The following DUS4L variants were observed in gnomAD, a reference collection of about 807,000 sequenced individuals.
The protein encoded by DUS4L is dihydrouridine synthase 4 like.
In DUS4L, 31 loss-of-function variants were observed where a neutral mutation model predicts 33.8. That is an observed-to-expected ratio of 0.92 (90% CI 0.69 to 1.24). The LOEUF is 1.24. DUS4L is among the 50% of genes most tolerant of loss of function. The pLI is 0.00. For missense variants in DUS4L, 368 were observed against 388.6 expected, an observed-to-expected ratio of 0.95 and a Z score of 0.45; for synonymous variants, 103 against 120.3, an observed-to-expected ratio of 0.86 and a Z score of 0.94.
At chr7:107,575,920 T>C (rs1184743580) in intron 6 of DUS4L, among the ~76,000 whole-genome samples, 4 of 152,226 alleles carry the variant, frequency 2.6e-5, no homozygotes, top group African/African-American at 7.2e-5. Flanking sequence ...CCTGAGCTCC[T>C]GGCCTCAAGT....
rs1443454741 is a variant in DUS4L, at chr7:107,564,072, T to C, written c.-248T>C. 4.8e-6 allele frequency: 7 copies of C among 1,448,054 alleles called. No homozygotes were observed. The African/African-American group carries it at 8.5e-5, about 17-fold the overall frequency. The allele number at this position is 1,448,054 out of a possible 1,614,324, so 89.7% of individuals were successfully genotyped here. On this transcript the variant is annotated 5_prime_UTR_variant, in exon 1 of 8. Coordinates refer to ENST00000265720, the MANE Select transcript of DUS4L (RefSeq NM_181581.3). ...AGGAGCCGCGCAGGTACTCGAGCAG[T>C]GGGCGCCCAGGGTCCGAGTGCTCTG...
intron 4 of DUS4L, among the ~76,000 whole-genome samples, chr7:107,572,602 C>T (rs892593120): frequency 2.0e-5 from 3 of 152,092 alleles, no homozygotes; most frequent in East Asian, 1.9e-4. Flanking sequence ...GTAATCTTAG[C>T]GCTTTGGGAG....
intron 7 of DUS4L, chr7:107,576,815 C>G (rs1805798443): frequency 2.2e-6 from 1 of 459,046 alleles, no homozygotes; most frequent in African/African-American, 2.0e-5. Flanking sequence ...TTTCTGACAC[C>G]ATCATATCTA....
At chr7:107,565,954 T>G (rs1244626568) in intron 2 of DUS4L, among the ~76,000 whole-genome samples, 1 of 152,240 alleles carries the variant, frequency 6.6e-6, no homozygotes, top group African/African-American at 2.4e-5. Flanking sequence ...CATTGCGCTT[T>G]ATTTTTGCCT....
intron 5 of DUS4L, chr7:107,574,964 C>A: frequency 1.8e-6 from 1 of 556,166 alleles, no homozygotes; most frequent in South Asian, 2.0e-5. Context: ...AATATTCTCA[C>A]TTGCCAATGA....
chr7:107,577,395 CT>C lies in DUS4L; in HGVS notation c.790del (p.Trp264GlyfsTer19). The C allele has an allele frequency of 6.2e-7, 1 of 1,614,092 alleles. No individual in the cohort carries two copies. The highest frequency in any genetic ancestry group is 8.5e-7 in the Non-Finnish European group (1 of 1,180,018). On this transcript the variant is annotated frameshift_variant, in exon 8 of 8. Coordinates refer to ENST00000265720, the MANE Select transcript of DUS4L (RefSeq NM_181581.3). LOFTEE classifies it high-confidence loss of function. ...EETPLKCIWD[W>X]VDIALELGTP... is the part of the protein sequence containing the mutation. ...AAACCCCACTGAAATGCATCTGGGA[CT>C]GGGTTGACATTGCTCTTGAACTCGG... is the stretch of plus-strand genomic sequence containing the variant.
At position 107,577,803 on chromosome 7, in the gene DUS4L, A is replaced by T. The variant is rs1805888624; in HGVS notation, c.*243A>T. On this transcript the variant is annotated 3_prime_UTR_variant, in exon 8 of 8. Coordinates refer to ENST00000265720, the MANE Select transcript of DUS4L (RefSeq NM_181581.3). ...GTGGTTCAAACATCCTGATCATCCT[A>T]GGCAAACATTGACAAATACTGCTCT... The T allele has an allele frequency of 2.8e-6, 1 of 362,156 alleles. No individual in the cohort carries two copies. The highest frequency in any genetic ancestry group is 4.9e-5 in the South Asian group (1 of 20,344). The allele number at this position is 362,156 out of a possible 1,614,324, so 22.4% of individuals were successfully genotyped here.
At chr7:107,574,760 A>G (rs1464083378) in intron 5 of DUS4L, 1 of 240,588 alleles carries the variant, frequency 4.2e-6, no homozygotes, top group Non-Finnish European at 8.0e-6. Flanking sequence ...ACATATTTGT[A>G]TACTCATTAG....
At chr7:107,571,634 T>C (rs918334874) in intron 4 of DUS4L, among the ~76,000 whole-genome samples, 1 of 152,208 alleles carries the variant, frequency 6.6e-6, no homozygotes, top group African/African-American at 2.4e-5. Context: ...GCAGCATCAG[T>C]ATTATCTGGA....
chr7:107,567,083 T>A lies in DUS4L; in HGVS notation c.13T>A (p.Cys5Ser). ...CATATCTGTATTAATGAAGAGTGAC[T>A]GCATGCAAACGACAATATGTCAGGA... MKSDCMQTTICQERK... is the reference protein window; with the variant it reads MKSDSMQTTICQERK... The change falls in exon 3 of 8, where the codon TGC (cysteine) becomes AGC (serine). Residue 5 changes from cysteine (C) to serine (S), a missense_variant. Cys to Ser is a moderately radical substitution (Grantham distance 112, BLOSUM62 -1). Transcript: ENST00000265720. 6.2e-7 allele frequency: 1 copy of A among 1,613,292 alleles called. No individual in the cohort carries two copies. The highest frequency in any genetic ancestry group is 8.5e-7 in the Non-Finnish European group (1 of 1,179,522).
At chr7:107,570,979 T>C (rs1418130321) in intron 3 of DUS4L, 166 bp from the exon 4 acceptor site, 1 of 867,814 alleles carries the variant, frequency 1.2e-6, no homozygotes, top group Admixed American at 3.3e-5. Context: ...GTTTGTTTTA[T>C]ATATAATATC....
At chr7:107,574,698 C>G (rs1418183194) in intron 5 of DUS4L, among the ~76,000 whole-genome samples, 1 of 152,056 alleles carries the variant, frequency 6.6e-6, no homozygotes, top group African/African-American at 2.4e-5. Flanking sequence ...CAAAATGTGT[C>G]CAAAGAATAA....
chr7:107,577,763 T>G lies in DUS4L; in HGVS notation c.*203T>G, dbSNP rs956263228. ...GGAGTAGACCCAGAAATACACAGTT[T>G]AAAGAAAACTCCCAGTGGTTCAAAC... On this transcript the variant is annotated 3_prime_UTR_variant, in exon 8 of 8. Transcript: ENST00000265720. 2 of 475,430 alleles carry G rather than the reference T, an allele frequency of 4.2e-6. No homozygotes were observed. Among genetic ancestry groups the G allele is most frequent in the Non-Finnish European group, 7.4e-6 (2 of 271,266 alleles). 29.5% of individuals were successfully genotyped at this position (475,430 alleles called of 1,614,324 possible).
At chr7:107,565,210 C>T (rs1237234765) in intron 2 of DUS4L, among the ~76,000 whole-genome samples, 2 of 152,194 alleles carry the variant, frequency 1.3e-5, no homozygotes, top group Non-Finnish European at 2.9e-5. Context: ...GTTTTGACCC[C>T]TCTACTCTGC....
intron 6 of DUS4L, among the ~76,000 whole-genome samples, chr7:107,576,051 C>T (rs1228536482): frequency 6.6e-6 from 1 of 152,162 alleles, no homozygotes; most frequent in Non-Finnish European, 1.5e-5. Context: ...GGGGCATGCA[C>T]AGCAAATATT....
rs1486730582 is a variant in DUS4L at position 107,577,721 on chromosome 7, T to A, written c.*161T>A. On this transcript the variant is annotated 3_prime_UTR_variant, in exon 8 of 8. Coordinates refer to ENST00000265720, the MANE Select transcript of DUS4L (RefSeq NM_181581.3). ...AGTTGTAGACACCACCCTCAGAGAT[T>A]CTGATTAGGTAGATCTGGAGTAGAC... 3 of 676,430 alleles carry A rather than the reference T, an allele frequency of 4.4e-6. No individual in the cohort carries two copies. The highest frequency in any genetic ancestry group is 7.1e-6 in the Non-Finnish European group (3 of 421,348). The allele number at this position is 676,430 out of a possible 1,614,324, so 41.9% of individuals were successfully genotyped here.
chr7:107,569,801 T>C (rs1584989856), intron 3 of DUS4L, among the ~76,000 whole-genome samples: 1 of 152,334 alleles, frequency 6.6e-6, no homozygotes, highest in Admixed American at 6.5e-5. Context: ...TTGGTTCTAG[T>C]TTTTTTGTAA....
chr7:107,577,612 A>G lies in DUS4L; in HGVS notation c.*52A>G. ...ATACTTTTAGACCCACAGTGAAACC[A>G]CAGAAGGTCATATTTTGTACCTTAA... On this transcript the variant is annotated 3_prime_UTR_variant, in exon 8 of 8. Transcript: ENST00000265720. The G allele has an allele frequency of 1.9e-6, 3 of 1,551,682 alleles. No individual in the cohort carries two copies. Among genetic ancestry groups the G allele is most frequent in the South Asian group, 2.4e-5 (2 of 83,244 alleles).
At chr7:107,573,998 A>G (rs1405734445) in intron 5 of DUS4L, 177 bp downstream of exon 5, 5 of 988,690 alleles carry the variant, frequency 5.1e-6, no homozygotes, top group African/African-American at 1.7e-5. Flanking sequence ...CATAAATTCA[A>G]AGGTCTTTTC....
Sources: gnomAD v4.1 joint callset for allele counts (sites outside exome capture counted in the v4.1 genomes callset) on GRCh38, gnomAD v4.1.1 for gene constraint, MANE v1.5 for transcripts, NCBI Gene and HGNC (gene_info 2026-07-23, HGNC 2026-07-21) for gene names.